The following C10orf90 variants were observed in gnomAD, a reference collection of about 807,000 sequenced individuals.
C10orf90 encodes chromosome 10 open reading frame 90, also known as (E2-independent) E3 ubiquitin-conjugating enzyme FATS.
Under a neutral mutation model 62.5 loss-of-function variants are expected in C10orf90, and 56 were observed. The observed-to-expected ratio is 0.90, with a 90% CI of 0.72 to 1.12. C10orf90 has a LOEUF of 1.12. C10orf90 is among the 50% of genes most tolerant of loss of function. The pLI is 0.00. For synonymous variants in C10orf90, 386 were observed against 340.4 expected (o/e 1.13, Z -1.47); for missense variants, 970 against 880.4 (o/e 1.10, Z -1.29).
intron 3 of C10orf90, among the ~76,000 whole-genome samples, chr10:126,505,920 C>T (rs890545697): frequency 6.6e-6 from 1 of 152,204 alleles, no homozygotes; most frequent in Admixed American, 6.5e-5. Context: ...TGCCATTGCA[C>T]TCCAGCCTAG....
At chr10:126,507,343 C>A (rs113244047) in intron 3 of C10orf90, among the ~76,000 whole-genome samples, 5,279 of 117,582 alleles carry the variant, frequency 0.045, 142 homozygotes, top group African/African-American at 0.088. Flanking sequence ...GGTGACAGAG[C>A]GAGACTCCAT....
chr10:126,444,544 A>G (rs1006500342), intron 7 of C10orf90, among the ~76,000 whole-genome samples: 1 of 152,210 alleles, frequency 6.6e-6, no homozygotes, highest in African/African-American at 2.4e-5. Flanking sequence ...ATGGAAATAC[A>G]TCCCATGCTC....
chr10:126,513,901 C>G lies in C10orf90; in HGVS notation c.352G>C (p.Ala118Pro), dbSNP rs1360893868. The G allele has an allele frequency of 6.2e-7, 1 of 1,613,120 alleles. No homozygotes were observed. The highest frequency in any genetic ancestry group is 1.3e-5 in the African/African-American group (1 of 74,850). The change falls in exon 3 of 10, where the codon GCC (alanine) becomes CCC (proline). Residue 118 changes from alanine to proline, a missense_variant. Transcript: ENST00000488181. Reference sequence around the variant, plus strand: ...ACATCAGACTGGAGATTTTTAAGGGCAATTTGATCTCTTCTACTGTGGTAG... The same window carrying G: ...ACATCAGACTGGAGATTTTTAAGGGGAATTTGATCTCTTCTACTGTGGTAG... ...DSYHSRRDQI[A>P]LKNLQSDVTE...
chr10:126,434,352 T>G (rs921620732), intron 7 of C10orf90, among the ~76,000 whole-genome samples: 2 of 152,182 alleles, frequency 1.3e-5, no homozygotes, highest in African/African-American at 4.8e-5. Flanking sequence ...TGATTCGTTG[T>G]TTTTGGAGCT....
In C10orf90 at chr10:126,442,066, T is replaced by C. The variant is rs185200843; in HGVS notation, c.2189-12216A>G. On this transcript the variant is annotated intron_variant, in intron 7 of 9. Transcript: ENST00000488181. ...GGTACCTCCCATCTCAATACTAATATTAAATGTAAATAGCCTAAATGCTCC... is the reference window on the plus strand; with the variant it reads ...GGTACCTCCCATCTCAATACTAATACTAAATGTAAATAGCCTAAATGCTCC... Among the ~76,000 whole-genome samples the C allele has an allele frequency of 4.0e-4, 61 of 152,148 alleles. No homozygotes were observed. The East Asian group carries it at 0.011, about 27-fold the overall frequency.
chr10:126,620,529 A>C (rs78453641), intron 2 of C10orf90, among the ~76,000 whole-genome samples: 3,006 of 152,316 alleles, frequency 0.02, 97 homozygotes, highest in African/African-American at 0.069. Flanking sequence ...TGTTTAAAAG[A>C]ATGTCATTCA....
chr10:126,508,597 CT>C (rs1434325152), intron 3 of C10orf90, among the ~76,000 whole-genome samples: 1 of 151,914 alleles, frequency 6.6e-6, no homozygotes, highest in Non-Finnish European at 1.5e-5. Context: ...GAATTTGTAT[CT>C]TTCACCAGCT....
chr10:126,565,215 ATTTTT>A (rs1844329903), intron 2 of C10orf90, among the ~76,000 whole-genome samples: 2 of 42,220 alleles, frequency 4.7e-5, no homozygotes, highest in African/African-American at 1.6e-4. Context: ...ATGTAATATA[ATTTTT>A]ATATTACATA....
At position 126,456,228 on chromosome 10, in the gene C10orf90, C is replaced by G. The variant is rs561541944; in HGVS notation, c.2188+2812G>C. Among the ~76,000 whole-genome samples the G allele has an allele frequency of 2.2e-4, 34 of 152,238 alleles. No individual in the cohort carries two copies. The highest frequency in any genetic ancestry group is 4.6e-4 in the Admixed American group (7 of 15,288). ...ATAGGGCCTTAAACATTTCTTCTCA[C>G]TTGCCCGAGCTTGTATGAGGCTCTG... is the stretch of plus-strand genomic sequence containing the variant. On this transcript the variant is annotated intron_variant, in intron 7 of 9. Coordinates refer to ENST00000488181, the MANE Select transcript of C10orf90 (RefSeq NM_001350921.2). This position sits in a 1 kb window ranked among gnomAD's most constrained non-coding sequence, Gnocchi z 4.9.
chr10:126,594,388 G>A (rs757520480), intron 2 of C10orf90, among the ~76,000 whole-genome samples: 7 of 152,124 alleles, frequency 4.6e-5, no homozygotes, highest in Non-Finnish European at 8.8e-5. Context: ...CATCTCTGGG[G>A]AGGGAGTTTG....
At chr10:126,540,417 G>A (rs1864346373) in intron 2 of C10orf90, among the ~76,000 whole-genome samples, 1 of 152,148 alleles carries the variant, frequency 6.6e-6, no homozygotes, top group African/African-American at 2.4e-5. Flanking sequence ...CCAACACTTT[G>A]AGAGGCCAAG....
intron 2 of C10orf90, among the ~76,000 whole-genome samples, chr10:126,631,139 A>G (rs1401588322): frequency 6.6e-6 from 1 of 152,140 alleles, no homozygotes; most frequent in African/African-American, 2.4e-5. Context: ...AGCATGCACA[A>G]CAGTCTTCTC....
intron 7 of C10orf90, among the ~76,000 whole-genome samples, chr10:126,439,197 C>T (rs937899414): frequency 4.6e-5 from 7 of 152,186 alleles, no homozygotes; most frequent in Non-Finnish European, 7.3e-5. Context: ...CCACTGAGGA[C>T]GTCTGCAATA....
At chr10:126,465,126 G>A in intron 4 of C10orf90, 140 bp from the exon 5 acceptor site, 1 of 796,826 alleles carries the variant, frequency 1.3e-6, no homozygotes, top group Admixed American at 2.7e-5. Flanking sequence ...AGGGCCATCT[G>A]TATACAGTGC....
chr10:126,503,778 A>C (rs1591027887), intron 4 of C10orf90, among the ~76,000 whole-genome samples, 179 bp downstream of exon 4: 1 of 152,230 alleles, frequency 6.6e-6, no homozygotes, highest in Admixed American at 6.5e-5. Flanking sequence ...AACTAAAAAA[A>C]TCTATCCAAT....
At chr10:126,627,022 C>T (rs1232262954) in intron 2 of C10orf90, among the ~76,000 whole-genome samples, 6 of 93,906 alleles carry the variant, frequency 6.4e-5, no homozygotes, top group East Asian at 6.5e-4. Context: ...TTTTTTGAGA[C>T]GTAGTCTCGC....
chr10:126,643,620 G>C (rs1044204960), intron 2 of C10orf90, among the ~76,000 whole-genome samples: 1 of 152,304 alleles, frequency 6.6e-6, no homozygotes, highest in South Asian at 2.1e-4. Flanking sequence ...CGCTCTTGCT[G>C]CCAGGGCCCA....
At chr10:126,668,063 G>C (rs532103938) in intron 1 of C10orf90, among the ~76,000 whole-genome samples, 1 of 152,226 alleles carries the variant, frequency 6.6e-6, no homozygotes, top group South Asian at 2.1e-4. Context: ...CTGGTGAGAG[G>C]TGGCTTCTCC....
chr10:126,525,289 T>C (rs1863903901), intron 2 of C10orf90, among the ~76,000 whole-genome samples: 1 of 152,190 alleles, frequency 6.6e-6, no homozygotes, highest in South Asian at 2.1e-4. Context: ...CACACGTCGG[T>C]GAGACCAAAG....
Sources: allele counts gnomAD v4.1 joint callset (sites outside exome capture counted in the v4.1 genomes callset), GRCh38; gene constraint gnomAD v4.1.1; non-coding constraint Gnocchi (gnomAD v3.1); transcripts MANE v1.5; gene names NCBI Gene and HGNC (gene_info 2026-07-23, HGNC 2026-07-21).